ACSM1: variants seen among roughly 807,000 people sequenced by gnomAD.
The protein encoded by ACSM1 is acyl-CoA synthetase medium chain family member 1.
ACSM1 carries 79 observed loss-of-function variants against 75.8 expected under a neutral mutation model. The ratio of observed to expected loss-of-function variants is 1.04; its 90% confidence interval spans 0.87 to 1.26. The LOEUF is 1.26. ACSM1 is among the 50% of genes most tolerant of loss of function. The probability of loss-of-function intolerance (pLI) is 0.00; values close to 1 mark genes in which losing one functional copy is unlikely to be tolerated. For synonymous variants in ACSM1, 279 were observed against 265.8 expected, an observed-to-expected ratio of 1.05 and a Z score of -0.48; for missense variants, 676 against 720.1, an observed-to-expected ratio of 0.94 and a Z score of 0.70.
chr16:20,631,782 G>A lies in ACSM1; in HGVS notation c.1300-4466C>T, dbSNP rs12921149. On this transcript the variant is annotated intron_variant, in intron 10 of 13. Transcript: ENST00000520010. Reference sequence around the variant, plus strand: ...ACTCAGAAATGGAAAACCAAATAGCGTATGTTCTCACTTCTAAGTGGGAGC... The same window carrying A: ...ACTCAGAAATGGAAAACCAAATAGCATATGTTCTCACTTCTAAGTGGGAGC... 5.3e-5 allele frequency among the ~76,000 whole-genome samples: 8 copies of A among 152,266 alleles called. No individual in the cohort carries two copies. The East Asian group carries it at 9.6e-4, about 18-fold the overall frequency.
chr16:20,674,048 C>A, intron 4 of ACSM1: 1 of 435,520 alleles, frequency 2.3e-6, no homozygotes, highest in African/African-American at 2.0e-5. Context: ...GATGACCTTC[C>A]TACCACTGGC....
intron 7 of ACSM1, among the ~76,000 whole-genome samples, chr16:20,649,606 T>G (rs1039619870): frequency 1.3e-5 from 2 of 152,172 alleles, no homozygotes; most frequent in Non-Finnish European, 2.9e-5. Flanking sequence ...TAAAACTTGG[T>G]CTCCACAAAC....
At position 20,636,792 on chromosome 16, in the gene ACSM1, T is replaced by G. The variant is rs757277848; in HGVS notation, c.1246A>C (p.Ile416Leu). The G allele has an allele frequency of 1.2e-6, 2 of 1,614,010 alleles. No individual in the cohort carries two copies. Among genetic ancestry groups the G allele is most frequent in the African/African-American group, 2.7e-5 (2 of 74,926 alleles). ...CTGACAGGTTTGATTCTGATGCCAATGTTTCCTTCTGTGTTAGGTGGCAGG... is the reference window on the plus strand; with the variant it reads ...CTGACAGGTTTGATTCTGATGCCAAGGTTTCCTTCTGTGTTAGGTGGCAGG... The part of the protein sequence containing the change: ...SILPPNTEGN[I>L]GIRIKPVRPV... The change falls in exon 10 of 14, where the codon ATT becomes CTT. Residue 416 changes from isoleucine to leucine, a missense_variant. Ile to Leu is a conservative substitution (Grantham distance 5). Coordinates refer to ENST00000520010, the MANE Select transcript of ACSM1 (RefSeq NM_001318890.3).
At chr16:20,626,805 G>A (rs3913150) in intron 11 of ACSM1, among the ~76,000 whole-genome samples, 18,779 of 151,848 alleles carry the variant, frequency 0.12, 1,636 homozygotes, top group East Asian at 0.49. Flanking sequence ...ATAGCTAAAG[G>A]TTAGCTATTA....
At chr16:20,665,614 G>A (rs114109118) in intron 6 of ACSM1, among the ~76,000 whole-genome samples, 1 of 143,514 alleles carries the variant, frequency 7.0e-6, no homozygotes, top group Non-Finnish European at 1.5e-5. Context: ...AAGGAGAAGG[G>A]ACTCCTTTCT....
At chr16:20,624,734 G>A (rs577234467) in intron 12 of ACSM1, among the ~76,000 whole-genome samples, 232 of 151,664 alleles carry the variant, frequency 1.5e-3, no homozygotes, top group African/African-American at 5.4e-3. Context: ...CATTCTTGTC[G>A]CCCAGACTGG....
intron 6 of ACSM1, among the ~76,000 whole-genome samples, chr16:20,666,926 G>A (rs575204747): frequency 7.5e-4 from 114 of 152,114 alleles, no homozygotes; most frequent in African/African-American, 2.7e-3. Flanking sequence ...CCTACCTTTC[G>A]CCATATACAA....
At chr16:20,672,471 A>AAAAAAAATAT (rs1555473775) in intron 4 of ACSM1, among the ~76,000 whole-genome samples, 14 of 64,550 alleles carry the variant, frequency 2.2e-4, no homozygotes, top group South Asian at 1.1e-3. Flanking sequence ...AAAAAAAAAA[A>AAAAAAAATAT]ATATATATAT....
chr16:20,658,460 T>C (rs937291503), intron 7 of ACSM1, among the ~76,000 whole-genome samples: 2 of 127,384 alleles, frequency 1.6e-5, no homozygotes, highest in East Asian at 3.1e-4. Flanking sequence ...GGGTTGTTCT[T>C]TTTTTTTTGA....
At chr16:20,687,938 A>G (rs1251223070) in intron 2 of ACSM1, among the ~76,000 whole-genome samples, 1 of 152,056 alleles carries the variant, frequency 6.6e-6, no homozygotes, top group Non-Finnish European at 1.5e-5. Flanking sequence ...ACAAAAGATA[A>G]GCCAGGCATA....
intron 4 of ACSM1, among the ~76,000 whole-genome samples, chr16:20,678,171 A>G (rs2079351372): frequency 6.6e-6 from 1 of 152,192 alleles, no homozygotes; most frequent in Non-Finnish European, 1.5e-5. Flanking sequence ...TGTTTTGCCC[A>G]GAAAAATATC....
At chr16:20,658,087 T>C (rs1236489446) in intron 7 of ACSM1, among the ~76,000 whole-genome samples, 1 of 152,212 alleles carries the variant, frequency 6.6e-6, no homozygotes, top group Non-Finnish European at 1.5e-5. Context: ...TGTGTCTTTA[T>C]AGCAGCATGA....
In ACSM1 at chr16:20,636,850, G is replaced by C. The variant is rs1439671018; in HGVS notation, c.1198-10C>G. On this transcript the variant is annotated splice_polypyrimidine_tract_variant and intron_variant, in intron 9 of 13. Transcript: ENST00000520010. ...CCTTGTCATCAATGACCTGTAGCAA[G>C]AGGCCTGTGAATCATACACTGCAGG... 1 of 1,609,940 alleles carries C rather than the reference G, an allele frequency of 6.2e-7. No homozygotes were observed. Among genetic ancestry groups the C allele is most frequent in the Non-Finnish European group, 8.5e-7 (1 of 1,176,772 alleles).
chr16:20,664,720 G>A (rs1459394554), intron 6 of ACSM1, among the ~76,000 whole-genome samples: 1 of 151,982 alleles, frequency 6.6e-6, no homozygotes. Flanking sequence ...GTTCCCACGT[G>A]GAACATATTC....
chr16:20,685,326 C>T lies in ACSM1; in HGVS notation c.270G>A (p.Glu90=). The change falls in exon 3 of 14, where the codon GAG becomes GAA. Residue 90 remains glutamate, a synonymous_variant. Transcript: ENST00000520010. Reference sequence around the variant, plus strand: ...CTACACGGCGGGTTAGGTCTCCCATCTCTCTGAAGCTCCACTTTACTTCAT... The same window carrying T: ...CTACACGGCGGGTTAGGTCTCCCATTTCTCTGAAGCTCCACTTTACTTCAT... ...QGDEVKWSFR[E]MGDLTRRVAN... is the part of the protein sequence containing the mutation. The T allele has an allele frequency of 6.2e-7, 1 of 1,614,210 alleles. No individual in the cohort carries two copies. Among genetic ancestry groups the T allele is most frequent in the South Asian group, 1.1e-5 (1 of 91,080 alleles).
chr16:20,640,727 G>T, intron 7 of ACSM1, 143 bp from the exon 8 acceptor site: 2 of 1,396,404 alleles, frequency 1.4e-6, no homozygotes, highest in Non-Finnish European at 9.6e-7. Context: ...AGTTGGCCAT[G>T]GCCAAGTGGA....
At chr16:20,653,454 A>G (rs1415221696) in intron 7 of ACSM1, among the ~76,000 whole-genome samples, 1 of 152,200 alleles carries the variant, frequency 6.6e-6, no homozygotes, top group Non-Finnish European at 1.5e-5. Flanking sequence ...GGAAAAGAGG[A>G]AGTCAAATTG....
intron 10 of ACSM1, among the ~76,000 whole-genome samples, chr16:20,635,071 C>A (rs1416415288): frequency 6.6e-6 from 1 of 151,576 alleles, no homozygotes; most frequent in Non-Finnish European, 1.5e-5. Context: ...GTTAGGAGTT[C>A]TTTGGAAAAT....
chr16:20,643,403 G>A (rs1258653964), intron 7 of ACSM1, among the ~76,000 whole-genome samples: 2 of 152,204 alleles, frequency 1.3e-5, no homozygotes. Flanking sequence ...CTTCCAGTGG[G>A]TTCTTGGTCT....
Sources: gnomAD v4.1 joint callset for allele counts (sites outside exome capture counted in the v4.1 genomes callset) on GRCh38, gnomAD v4.1.1 for gene constraint, MANE v1.5 for transcripts, NCBI Gene and HGNC (gene_info 2026-07-23, HGNC 2026-07-21) for gene names.